NF1: variants seen among roughly 807,000 people sequenced by gnomAD.
NF1 encodes neurofibromin 1.
In NF1, 122 loss-of-function variants were observed where a neutral mutation model predicts 325.7. That is an observed-to-expected ratio of 0.37 (90% CI 0.32 to 0.44). The LOEUF (loss-of-function observed/expected upper bound fraction) is 0.44. Among genes scored for constraint, NF1 ranks in the 20% least tolerant of loss-of-function variants. The pLI, the probability that NF1 is intolerant of heterozygous loss-of-function variation, is 1.00. For missense variants in NF1, 2,140 were observed against 3,415.4 expected (o/e 0.63, Z 9.31); for synonymous variants, 1,091 against 1,186.0 (o/e 0.92, Z 1.65).
intron 9 of NF1, 76 bp downstream of exon 9, chr17:31,200,671 A>G: frequency 6.7e-7 from 1 of 1,498,004 alleles, no homozygotes; most frequent in Non-Finnish European, 9.3e-7. Flanking sequence ...ATTATGTCAA[A>G]GATAATTGCT....
At chr17:31,149,043 A>G (rs1334856827) in intron 1 of NF1, among the ~76,000 whole-genome samples, 1 of 151,762 alleles carries the variant, frequency 6.6e-6, no homozygotes, top group African/African-American at 2.4e-5. Context: ...TATAAGAAAC[A>G]TATATTTCTA....
At chr17:31,300,576 G>C (rs1434985084) in intron 36 of NF1, among the ~76,000 whole-genome samples, 2 of 152,018 alleles carry the variant, frequency 1.3e-5, no homozygotes, top group Non-Finnish European at 2.9e-5. Flanking sequence ...GGGTTTTTCA[G>C]ACTTTTGCTG....
chr17:31,332,162 G>A (rs982945442), intron 39 of NF1, among the ~76,000 whole-genome samples: 6 of 151,680 alleles, frequency 4.0e-5, no homozygotes, highest in African/African-American at 1.5e-4. Flanking sequence ...GCAAATATGA[G>A]AAATGATTAA....
chr17:31,357,264 G>C lies in NF1; in HGVS notation c.7870-5G>C, dbSNP rs1169181885. 2 of 1,613,166 alleles carry C rather than the reference G, an allele frequency of 1.2e-6. No homozygotes were observed. Among genetic ancestry groups the C allele is most frequent in the East Asian group, 4.5e-5 (2 of 44,862 alleles). On this transcript the variant is annotated splice_region_variant and splice_polypyrimidine_tract_variant and intron_variant, in intron 53 of 57. Transcript: ENST00000358273. ...TTGTGTGTTTACTTTTTTGCATCTT[G>C]GCAGGCTACACTGGTAAAATATACC...
chr17:31,110,636 A>T (rs552209289), intron 1 of NF1, among the ~76,000 whole-genome samples: 19 of 152,264 alleles, frequency 1.2e-4, no homozygotes, highest in African/African-American at 4.6e-4. Flanking sequence ...ATAGAAGCAG[A>T]CTCAGAAAAT....
At chr17:31,126,642 A>G (rs1185570214) in intron 1 of NF1, among the ~76,000 whole-genome samples, 3 of 151,928 alleles carry the variant, frequency 2.0e-5, no homozygotes, top group Admixed American at 6.6e-5. Context: ...GGGTTTTGCC[A>G]TGTTCCCCAG....
chr17:31,301,627 C>T (rs2068576044), intron 36 of NF1, among the ~76,000 whole-genome samples: 1 of 152,178 alleles, frequency 6.6e-6, no homozygotes, highest in South Asian at 2.1e-4. Flanking sequence ...ATGTATGTTT[C>T]AGTGCATGAT....
chr17:31,369,790 C>T (rs2070598402), intron 57 of NF1, among the ~76,000 whole-genome samples: 1 of 152,120 alleles, frequency 6.6e-6, no homozygotes, highest in Admixed American at 6.5e-5. Flanking sequence ...AGAGTTTTTC[C>T]TATGGGATAT....
rs2143879598 is a variant in NF1, at chr17:31,201,103, A to G, written c.1129A>G (p.Ile377Val). The part of the protein sequence containing the change: ...GSQPADVDLM[I>V]DCLVSCFRIS... Reference sequence around the variant, plus strand: ...TCAGCCTGCAGATGTGGATCTAATGATTGACTGCCTTGTTTCTTGCTTTCG... The same window carrying G: ...TCAGCCTGCAGATGTGGATCTAATGGTTGACTGCCTTGTTTCTTGCTTTCG... The change falls in exon 10 of 58, where the codon ATT (isoleucine) becomes GTT (valine). Residue 377 changes from isoleucine (I) to valine (V), a missense_variant. Coordinates refer to ENST00000358273, the MANE Select transcript of NF1 (RefSeq NM_001042492.3). 1 of 1,614,086 alleles carries G rather than the reference A, an allele frequency of 6.2e-7. No individual in the cohort carries two copies. The highest frequency in any genetic ancestry group is 8.5e-7 in the Non-Finnish European group (1 of 1,179,996).
At chr17:31,198,655 C>A (rs1411771572) in intron 8 of NF1, among the ~76,000 whole-genome samples, 5 of 151,968 alleles carry the variant, frequency 3.3e-5, no homozygotes, top group African/African-American at 9.7e-5. Context: ...TGCTCTTTCG[C>A]ACAGGCTGGA....
chr17:31,352,131 A>G, intron 50 of NF1, 126 bp from the exon 51 acceptor site: 1 of 859,894 alleles, frequency 1.2e-6, no homozygotes, highest in Non-Finnish European at 1.9e-6. Flanking sequence ...AAAGCCCTTT[A>G]AAGTGCAATT....
chr17:31,245,859 C>T (rs1265481994), intron 29 of NF1, among the ~76,000 whole-genome samples: 1 of 152,140 alleles, frequency 6.6e-6, no homozygotes, highest in East Asian at 1.9e-4. Context: ...AGCCTCTCTC[C>T]TCTCCTTGGA....
chr17:31,338,619 T>C, intron 45 of NF1, 85 bp from the exon 46 acceptor site: 1 of 859,644 alleles, frequency 1.2e-6, no homozygotes, highest in Non-Finnish European at 2.0e-6. Context: ...TAAGTAAATG[T>C]TCCTGAATTC....
intron 57 of NF1, chr17:31,361,628 A>T (rs879875225): frequency 2.6e-5 from 4 of 152,230 alleles, no homozygotes; most frequent in Non-Finnish European, 5.9e-5. Flanking sequence ...ACATCATTGT[A>T]TAAGGAAAAG....
intron 36 of NF1, among the ~76,000 whole-genome samples, chr17:31,267,571 T>G (rs2067814592): frequency 6.6e-6 from 1 of 152,172 alleles, no homozygotes; most frequent in Non-Finnish European, 1.5e-5. Flanking sequence ...ATTATGAAGG[T>G]CTTGTCTGTC....
At chr17:31,202,637 C>A (rs2066550635) in intron 11 of NF1, among the ~76,000 whole-genome samples, 1 of 152,096 alleles carries the variant, frequency 6.6e-6, no homozygotes, top group Admixed American at 6.6e-5. Context: ...TCTCCCCATC[C>A]CTAGTCATTA....
chr17:31,142,817 A>C (rs1299989088), intron 1 of NF1, among the ~76,000 whole-genome samples: 1 of 151,934 alleles, frequency 6.6e-6, no homozygotes, highest in Non-Finnish European at 1.5e-5. Context: ...CAGTGAACCG[A>C]GATCGCGCCA....
At chr17:31,217,803 A>G (rs530947083) in intron 13 of NF1, among the ~76,000 whole-genome samples, 6 of 151,746 alleles carry the variant, frequency 4.0e-5, no homozygotes, top group Admixed American at 3.3e-4. Flanking sequence ...CATCTCTAAT[A>G]ATAATGCAAA....
intron 47 of NF1, 26 bp downstream of exon 47, chr17:31,340,671 C>T (rs2069796101): frequency 6.2e-7 from 1 of 1,611,036 alleles, no homozygotes; most frequent in Non-Finnish European, 8.5e-7. Context: ...CTTGAGGTTC[C>T]TAGATTACTC....
Sources: gnomAD v4.1 joint callset for allele counts (sites outside exome capture counted in the v4.1 genomes callset) on GRCh38, gnomAD v4.1.1 for gene constraint, MANE v1.5 for transcripts, NCBI Gene and HGNC (gene_info 2026-07-23, HGNC 2026-07-21) for gene names.